OPRM1: variants seen among roughly 807,000 people sequenced by gnomAD.
OPRM1 encodes the protein opioid receptor mu 1.
In OPRM1, 27 loss-of-function variants were observed where a neutral mutation model predicts 31.8. The observed-to-expected ratio is 0.85, with a 90% CI of 0.63 to 1.17. The LOEUF is 1.17. OPRM1 is among the 50% of genes most tolerant of loss of function. OPRM1 has a pLI of 0.00. For synonymous variants in OPRM1, 196 were observed against 189.9 expected, an observed-to-expected ratio of 1.03 and a Z score of -0.26; for missense variants, 536 against 511.1, an observed-to-expected ratio of 1.05 and a Z score of -0.47.
chr6:154,030,528 T>G (rs1583151884), intron 1 of OPRM1, among the ~76,000 whole-genome samples: 1 of 151,990 alleles, frequency 6.6e-6, no homozygotes, highest in Non-Finnish European at 1.5e-5. Flanking sequence ...AGTAAAATTA[T>G]AAGCTAAAAA....
At chr6:154,082,020 G>A (rs1179279005) in intron 1 of OPRM1, among the ~76,000 whole-genome samples, 1 of 152,138 alleles carries the variant, frequency 6.6e-6, no homozygotes, top group Non-Finnish European at 1.5e-5. Flanking sequence ...TAGACAATGT[G>A]ATCTTGAAAG....
intron 3 of OPRM1, among the ~76,000 whole-genome samples, chr6:154,098,806 G>A (rs1777609821): frequency 6.6e-6 from 1 of 152,002 alleles, no homozygotes; most frequent in South Asian, 2.1e-4. Context: ...ATTTCTGTGG[G>A]GTGTAGAACA....
intron 3 of OPRM1, 169 bp downstream of exon 3, chr6:154,091,641 C>T (rs1279998444): frequency 7.1e-7 from 1 of 1,415,768 alleles, no homozygotes; most frequent in Non-Finnish European, 9.2e-7. Flanking sequence ...AAACTGTGTT[C>T]TTTATATTTG....
chr6:154,061,343 A>G (rs925096452), intron 1 of OPRM1, among the ~76,000 whole-genome samples: 1 of 152,190 alleles, frequency 6.6e-6, no homozygotes, highest in African/African-American at 2.4e-5. Flanking sequence ...ACTGCGCTGT[A>G]ACATCTAACA....
At chr6:154,026,627 C>T (rs1048688664) in intron 1 of OPRM1, among the ~76,000 whole-genome samples, 4 of 151,976 alleles carry the variant, frequency 2.6e-5, no homozygotes, top group African/African-American at 9.7e-5. Flanking sequence ...TTCTTTGTTT[C>T]ATTGTTTTTT....
chr6:154,153,142 G>A (rs2128542460), intron 3 of OPRM1, among the ~76,000 whole-genome samples: 1 of 152,278 alleles, frequency 6.6e-6, no homozygotes, highest in African/African-American at 2.4e-5. Flanking sequence ...GTTACGGGGT[G>A]TGAAAAAGGA....
chr6:154,117,740 A>G (rs1219498014), intron 3 of OPRM1, among the ~76,000 whole-genome samples: 1 of 151,964 alleles, frequency 6.6e-6, no homozygotes, highest in Non-Finnish European at 1.5e-5. Context: ...GTGCAGGGAC[A>G]CTCCTGGCCA....
chr6:154,075,557 T>G (rs185057311), intron 1 of OPRM1, among the ~76,000 whole-genome samples: 3 of 152,004 alleles, frequency 2.0e-5, no homozygotes, highest in Admixed American at 6.6e-5. Flanking sequence ...GTTCAAGCAA[T>G]TCTCCTGCCT....
chr6:154,075,499 T>A (rs1787689245), intron 1 of OPRM1, among the ~76,000 whole-genome samples: 1 of 151,576 alleles, frequency 6.6e-6, no homozygotes, highest in Middle Eastern at 3.4e-3. Flanking sequence ...GCTCCCAGGC[T>A]GGAGTGCAGT....
intron 1 of OPRM1, chr6:154,086,444 A>T: frequency 2.6e-6 from 1 of 378,838 alleles, no homozygotes; most frequent in Non-Finnish European, 3.6e-6. Flanking sequence ...TAAATTGATG[A>T]TAAAATTATG....
chr6:154,212,960 A>G (rs752906620), intron 3 of OPRM1: 8 of 787,276 alleles, frequency 1.0e-5, no homozygotes, highest in Admixed American at 6.2e-5. Flanking sequence ...TTTCAATCCA[A>G]TTCAGAAAGT....
At chr6:154,117,945 T>C (rs1037971712) in intron 3 of OPRM1, among the ~76,000 whole-genome samples, 6 of 151,716 alleles carry the variant, frequency 4.0e-5, no homozygotes, top group Non-Finnish European at 8.8e-5. Flanking sequence ...ATAAAGCACA[T>C]TTACTAAAAT....
intron 3 of OPRM1, among the ~76,000 whole-genome samples, chr6:154,096,658 G>C (rs1192436473): frequency 6.6e-6 from 1 of 152,008 alleles, no homozygotes; most frequent in African/African-American, 2.4e-5. Context: ...AACTCTGATG[G>C]GTAAATGTAA....
chr6:154,141,370 A>G (rs1372168854), intron 3 of OPRM1, among the ~76,000 whole-genome samples: 6 of 152,122 alleles, frequency 3.9e-5, no homozygotes, highest in African/African-American at 7.2e-5. Context: ...AGTCTTTTCC[A>G]TTAATTTTCT....
At chr6:154,107,015 C>A (rs1795674992) in intron 3 of OPRM1, among the ~76,000 whole-genome samples, 1 of 152,176 alleles carries the variant, frequency 6.6e-6, no homozygotes, top group Non-Finnish European at 1.5e-5. Context: ...TGAAATACTT[C>A]ATTTAAAGGC....
chr6:154,152,250 GAAAGA>G (rs1324469598), intron 3 of OPRM1, among the ~76,000 whole-genome samples: 1 of 124,696 alleles, frequency 8.0e-6, no homozygotes, highest in African/African-American at 3.5e-5. Flanking sequence ...AGAAAAAGAA[GAAAGA>G]AAAGAAAGAA....
chr6:154,166,014 G>C (rs539048754), intron 3 of OPRM1, among the ~76,000 whole-genome samples: 1 of 152,384 alleles, frequency 6.6e-6, no homozygotes, highest in South Asian at 2.1e-4. Context: ...ATGGAGGAAT[G>C]AATGCAGCCC....
At chr6:154,200,159 A>G (rs1166014806) in intron 3 of OPRM1, 3 of 841,484 alleles carry the variant, frequency 3.6e-6, no homozygotes, top group African/African-American at 3.4e-5. Flanking sequence ...GACCAATAAT[A>G]AAAGAGTCAA....
chr6:154,114,975 C>CA (rs1362341130), intron 3 of OPRM1, among the ~76,000 whole-genome samples: 4 of 151,702 alleles, frequency 2.6e-5, no homozygotes, highest in Admixed American at 1.3e-4. Flanking sequence ...CTCTTCCAAT[C>CA]AAAAAAATCT....
Sources: allele counts gnomAD v4.1 joint callset (sites outside exome capture counted in the v4.1 genomes callset), GRCh38; gene constraint gnomAD v4.1.1; transcripts MANE v1.5; gene names NCBI Gene and HGNC (gene_info 2026-07-23, HGNC 2026-07-21).